EXOC6B: variants seen among roughly 807,000 people sequenced by gnomAD.
EXOC6B encodes the protein SEC15 homolog B.
EXOC6B carries 54 observed loss-of-function variants against 113.5 expected under a neutral mutation model. That is an observed-to-expected ratio of 0.48 (90% CI 0.38 to 0.60). The LOEUF is 0.60. Among genes scored for constraint, EXOC6B ranks in the 20% least tolerant of loss-of-function variants. EXOC6B has a pLI of 0.00. For missense variants in EXOC6B, 797 were observed against 977.5 expected (o/e 0.82, Z 2.46); for synonymous variants, 357 against 339.0 (o/e 1.05, Z -0.58).
Position 72,274,429 on chromosome 2 carries a change from C to G in EXOC6B, c.2196+60518G>C, listed in dbSNP as rs540370400. Among the ~76,000 whole-genome samples, 21 of 152,182 alleles carry G rather than the reference C, an allele frequency of 1.4e-4. No homozygotes were observed. The South Asian group carries it at 1.5e-3, about 11-fold the overall frequency. On this transcript the variant is annotated intron_variant, in intron 20 of 21. Transcript: ENST00000272427. ...ATACAAAGTATTTTGCAATGTCGAA[C>G]CTTAATCACCAACCAAGTGAAATGA...
intron 5 of EXOC6B, among the ~76,000 whole-genome samples, chr2:72,729,326 T>A (rs1194928582): frequency 6.6e-6 from 1 of 151,312 alleles, no homozygotes; most frequent in African/African-American, 2.4e-5. Context: ...ATATATATAC[T>A]ATATATTTTT....
chr2:72,679,693 C>T (rs997457726), intron 6 of EXOC6B, among the ~76,000 whole-genome samples: 1 of 151,858 alleles, frequency 6.6e-6, no homozygotes, highest in African/African-American at 2.4e-5. Flanking sequence ...AAATATTCTC[C>T]GAAGAAAACA....
At chr2:72,235,946 A>C (rs1468603002) in intron 20 of EXOC6B, among the ~76,000 whole-genome samples, 1 of 152,186 alleles carries the variant, frequency 6.6e-6, no homozygotes, top group African/African-American at 2.4e-5. Context: ...TTTCAAGGCT[A>C]AAATAGCCAT....
chr2:72,441,040 C>CTTCA (rs1696169090), intron 18 of EXOC6B, among the ~76,000 whole-genome samples: 1 of 152,108 alleles, frequency 6.6e-6, no homozygotes, highest in Non-Finnish European at 1.5e-5. Context: ...GGTCTATGTA[C>CTTCA]TTCAGTGTGT....
intron 6 of EXOC6B, among the ~76,000 whole-genome samples, chr2:72,632,433 C>A (rs1672533000): frequency 6.6e-6 from 1 of 152,132 alleles, no homozygotes; most frequent in Non-Finnish European, 1.5e-5. Flanking sequence ...AATCCAATAA[C>A]TCCATCTCTC....
intron 8 of EXOC6B, among the ~76,000 whole-genome samples, chr2:72,521,287 T>C (rs544744055): frequency 6.6e-6 from 1 of 152,322 alleles, no homozygotes; most frequent in East Asian, 1.9e-4. Context: ...GAACCTGTTA[T>C]TGCCTTGATC....
intron 19 of EXOC6B, 178 bp from the exon 20 acceptor site, chr2:72,335,198 C>T: frequency 1.7e-6 from 1 of 595,414 alleles, no homozygotes; most frequent in Non-Finnish European, 3.0e-6. Flanking sequence ...GTCATCAAAA[C>T]ACCATTAATT....
intron 20 of EXOC6B, among the ~76,000 whole-genome samples, chr2:72,228,503 T>C (rs1303420586): frequency 1.3e-5 from 2 of 148,732 alleles, no homozygotes; most frequent in African/African-American, 4.9e-5. Flanking sequence ...CACCTATGAG[T>C]GAGAACATGC....
intron 6 of EXOC6B, among the ~76,000 whole-genome samples, chr2:72,662,374 A>C (rs1675084574): frequency 6.6e-6 from 1 of 152,220 alleles, no homozygotes; most frequent in South Asian, 2.1e-4. Context: ...TAAAAAGCAA[A>C]CTACTGAGTG....
intron 20 of EXOC6B, among the ~76,000 whole-genome samples, chr2:72,285,891 T>A (rs567610109): frequency 2.4e-4 from 36 of 152,138 alleles, no homozygotes; most frequent in African/African-American, 8.2e-4. Context: ...AAAAAGACGA[T>A]CCACATCATA....
chr2:72,384,208 T>A (rs1488523191), intron 18 of EXOC6B, among the ~76,000 whole-genome samples: 1 of 151,906 alleles, frequency 6.6e-6, no homozygotes, highest in East Asian at 1.9e-4. Flanking sequence ...GGTGTGAGAC[T>A]CTATAGCTTT....
At chr2:72,476,321 G>C (rs1276328297) in intron 17 of EXOC6B, among the ~76,000 whole-genome samples, 1 of 152,076 alleles carries the variant, frequency 6.6e-6, no homozygotes, top group Admixed American at 6.5e-5. Flanking sequence ...CCTTGGTTTA[G>C]GCATTTACTG....
At chr2:72,576,980 G>T (rs988954833) in intron 6 of EXOC6B, among the ~76,000 whole-genome samples, 9 of 152,148 alleles carry the variant, frequency 5.9e-5, no homozygotes, top group Admixed American at 5.2e-4. Context: ...TTAATGAAAT[G>T]AAGATAAATA....
intron 17 of EXOC6B, among the ~76,000 whole-genome samples, chr2:72,479,887 T>G (rs555299479): frequency 1.3e-5 from 2 of 152,174 alleles, no homozygotes; most frequent in South Asian, 4.1e-4. Context: ...CAGAAATTCC[T>G]CACTAAAAAG....
At chr2:72,371,555 A>G (rs1218884600) in intron 19 of EXOC6B, among the ~76,000 whole-genome samples, 1 of 152,220 alleles carries the variant, frequency 6.6e-6, no homozygotes, top group East Asian at 1.9e-4. Flanking sequence ...TCAATGTGAT[A>G]CAACATATGA....
intron 8 of EXOC6B, among the ~76,000 whole-genome samples, chr2:72,541,916 T>C (rs1393463852): frequency 3.3e-5 from 5 of 152,180 alleles, no homozygotes; most frequent in Non-Finnish European, 7.4e-5. Flanking sequence ...TCAAGCAGTC[T>C]GCCTGCCTTG....
intron 2 of EXOC6B, among the ~76,000 whole-genome samples, chr2:72,734,624 T>C (rs1035900074): frequency 2.6e-5 from 4 of 152,200 alleles, no homozygotes; most frequent in African/African-American, 9.6e-5. Context: ...GATAAAACTT[T>C]ATTTACACAA....
chr2:72,813,971 T>C (rs1311072427), intron 1 of EXOC6B, among the ~76,000 whole-genome samples: 2 of 151,910 alleles, frequency 1.3e-5, no homozygotes, highest in Non-Finnish European at 1.5e-5. Context: ...AAAAAAAACA[T>C]AAAGAAGCAA....
intron 19 of EXOC6B, among the ~76,000 whole-genome samples, chr2:72,366,570 A>T (rs900796602): frequency 6.6e-6 from 1 of 152,148 alleles, no homozygotes; most frequent in Non-Finnish European, 1.5e-5. Flanking sequence ...TAAAAGGTAT[A>T]AACTTGCATG....
Sources: gnomAD v4.1 joint callset for allele counts (sites outside exome capture counted in the v4.1 genomes callset) on GRCh38, gnomAD v4.1.1 for gene constraint, MANE v1.5 for transcripts, NCBI Gene and HGNC (gene_info 2026-07-23, HGNC 2026-07-21) for gene names.